Variants in COL14A1 observed in about 807,000 individuals in gnomAD.
COL14A1 encodes the protein collagen alpha-1(XIV) chain.
COL14A1 carries 136 observed loss-of-function variants against 230.3 expected under a neutral mutation model. That is an observed-to-expected ratio of 0.59 (90% confidence interval 0.51 to 0.68). The LOEUF (loss-of-function observed/expected upper bound fraction) is 0.68, where lower values mean the gene tolerates loss of function less well. COL14A1 is among the 30% of genes least tolerant of loss of function. The probability of loss-of-function intolerance (pLI) is 0.00; values close to 1 mark genes in which losing one functional copy is unlikely to be tolerated. For missense variants in COL14A1, 1,976 were observed against 2,215.8 expected (o/e 0.89, Z 2.17); for synonymous variants, 792 against 784.1 (o/e 1.01, Z -0.17).
intron 40 of COL14A1, among the ~76,000 whole-genome samples, chr8:120,319,032 C>T (rs576250520): frequency 4.6e-5 from 7 of 152,304 alleles, no homozygotes; most frequent in South Asian, 4.1e-4. Context: ...GTTTAATCGG[C>T]GCTTTTAGCT....
At chr8:120,207,484 ACG>A (rs2130749552) in intron 10 of COL14A1, among the ~76,000 whole-genome samples, 1 of 152,306 alleles carries the variant, frequency 6.6e-6, no homozygotes, top group African/African-American at 2.4e-5. Context: ...ATTCCAAAGT[ACG>A]TGGTCATATA....
intron 45 of COL14A1, among the ~76,000 whole-genome samples, chr8:120,355,179 C>G (rs1411806597): frequency 2.6e-5 from 4 of 152,144 alleles, no homozygotes; most frequent in Non-Finnish European, 5.9e-5. Flanking sequence ...GATTCCAAAC[C>G]AGATTTCCTC....
chr8:120,279,328 A>C (rs1586827168), intron 28 of COL14A1, among the ~76,000 whole-genome samples: 3 of 152,038 alleles, frequency 2.0e-5, no homozygotes, highest in African/African-American at 7.2e-5. Context: ...TGTAAAAAAG[A>C]AAAAATATTG....
intron 4 of COL14A1, among the ~76,000 whole-genome samples, chr8:120,164,572 C>T (rs1815800843): frequency 6.6e-6 from 1 of 152,126 alleles, no homozygotes; most frequent in South Asian, 2.1e-4. Flanking sequence ...TAAAAGAAAA[C>T]ACAACTTGGT....
chr8:120,136,256 T>G (rs567979702), intron 1 of COL14A1, among the ~76,000 whole-genome samples: 2 of 152,128 alleles, frequency 1.3e-5, no homozygotes, highest in Admixed American at 1.3e-4. Context: ...TTGATGCCCT[T>G]TATTAGATTG....
chr8:120,357,716 G>A (rs1478741682), intron 45 of COL14A1, among the ~76,000 whole-genome samples: 1 of 152,104 alleles, frequency 6.6e-6, no homozygotes, highest in African/African-American at 2.4e-5. Flanking sequence ...CTACAGTGCT[G>A]AATAATGAAG....
At chr8:120,197,152 C>G (rs7015242) in intron 6 of COL14A1, among the ~76,000 whole-genome samples, 1 of 151,892 alleles carries the variant, frequency 6.6e-6, no homozygotes, top group Non-Finnish European at 1.5e-5. Context: ...AATTATTGAA[C>G]ATATTTTAAT....
chr8:120,331,742 A>T (rs1327122856), intron 40 of COL14A1, among the ~76,000 whole-genome samples: 1 of 152,224 alleles, frequency 6.6e-6, no homozygotes, highest in East Asian at 1.9e-4. Flanking sequence ...CTAATGAAAG[A>T]CAGATCCCTC....
In COL14A1 at chr8:120,300,597, G is replaced by T. The variant is rs1820679945; in HGVS notation, c.4315-135G>T. On this transcript the variant is annotated intron_variant, in intron 35 of 47. Coordinates refer to ENST00000297848, the MANE Select transcript of COL14A1 (RefSeq NM_021110.4). ...TACAGAAAAGATTTTGTAATCAGGA[G>T]TGAATATTCTCTGCCTTTCTAATGT... is the stretch of plus-strand genomic sequence containing the variant. 14 of 693,320 alleles carry T rather than the reference G, an allele frequency of 2.0e-5. No homozygotes were observed. The South Asian group carries it at 2.6e-4, about 13-fold the overall frequency. The allele number at this position is 693,320 out of a possible 1,614,324, so 42.9% of individuals were successfully genotyped here.
chr8:120,320,769 A>G (rs1469737533), intron 40 of COL14A1, among the ~76,000 whole-genome samples: 1 of 152,208 alleles, frequency 6.6e-6, no homozygotes, highest in Non-Finnish European at 1.5e-5. Context: ...CCTTTGCACA[A>G]TCAGCCACAG....
rs1384775336 is a variant in COL14A1, at chr8:120,316,621, A to G, written c.4659+624A>G. ...TAAGAAACTTTTATTACATGCTATC[A>G]TGGGAGCAGAGCCCTGTGAGAACAC... On this transcript the variant is annotated intron_variant, in intron 40 of 47. Coordinates refer to ENST00000297848, the MANE Select transcript of COL14A1 (RefSeq NM_021110.4). Among the ~76,000 whole-genome samples the G allele has an allele frequency of 3.3e-5, 5 of 152,178 alleles. 1 individual carries two copies. The highest frequency in any genetic ancestry group is 3.3e-4 in the Admixed American group (5 of 15,270).
At chr8:120,300,938 G>T in intron 36 of COL14A1, 120 bp downstream of exon 36, 1 of 768,644 alleles carries the variant, frequency 1.3e-6, no homozygotes, top group Non-Finnish European at 2.2e-6. Context: ...TTGTAGGAAT[G>T]CAGTGAGACA....
At chr8:120,325,642 C>T (rs7836649) in intron 40 of COL14A1, among the ~76,000 whole-genome samples, 7 of 152,130 alleles carry the variant, frequency 4.6e-5, no homozygotes, top group Admixed American at 4.6e-4. Context: ...ACAGGCGTAA[C>T]GTACCGCACC....
At chr8:120,306,953 T>A (rs935494918) in intron 36 of COL14A1, among the ~76,000 whole-genome samples, 3 of 152,184 alleles carry the variant, frequency 2.0e-5, no homozygotes, top group African/African-American at 7.2e-5. Flanking sequence ...GAGACTAGGC[T>A]GCGAGAAACA....
chr8:120,149,557 G>A (rs1477460719), intron 2 of COL14A1, among the ~76,000 whole-genome samples: 1 of 152,178 alleles, frequency 6.6e-6, no homozygotes, highest in Admixed American at 6.5e-5. Context: ...GCCCTCCAGA[G>A]TTGCTATCTC....
intron 1 of COL14A1, among the ~76,000 whole-genome samples, chr8:120,139,718 C>T (rs762442740): frequency 2.6e-5 from 4 of 152,082 alleles, no homozygotes; most frequent in Non-Finnish European, 4.4e-5. Context: ...AATTAAAATA[C>T]CACAATCATC....
chr8:120,299,840 A>G (rs1820656544), intron 35 of COL14A1, among the ~76,000 whole-genome samples: 1 of 152,054 alleles, frequency 6.6e-6, no homozygotes, highest in African/African-American at 2.4e-5. Flanking sequence ...GATTATTTTC[A>G]ATTTGGCAAT....
At chr8:120,186,263 A>G (rs1816649552) in intron 5 of COL14A1, among the ~76,000 whole-genome samples, 1 of 152,226 alleles carries the variant, frequency 6.6e-6, no homozygotes, top group African/African-American at 2.4e-5. Flanking sequence ...CAATCTCTAC[A>G]CAGTAACAGT....
rs543627485 is a variant in COL14A1, at chr8:120,173,903, C to T, written c.436+5656C>T. ...GCAAAAAGACAAACAAATCTATTAACGAGTTCAATGTTTGCTTTTAGTCTA... is the reference window on the plus strand; with the variant it reads ...GCAAAAAGACAAACAAATCTATTAATGAGTTCAATGTTTGCTTTTAGTCTA... On this transcript the variant is annotated intron_variant, in intron 5 of 47. Coordinates refer to ENST00000297848, the MANE Select transcript of COL14A1 (RefSeq NM_021110.4). 1.8e-3 allele frequency among the ~76,000 whole-genome samples: 277 copies of T among 152,234 alleles called. 2 individuals carry two copies. The highest frequency in any genetic ancestry group is 5.6e-3 in the African/African-American group (233 of 41,550).
Sources: allele counts gnomAD v4.1 joint callset (sites outside exome capture counted in the v4.1 genomes callset), GRCh38; gene constraint gnomAD v4.1.1; transcripts MANE v1.5; gene names NCBI Gene and HGNC (gene_info 2026-07-23, HGNC 2026-07-21).